ZNF469: variants seen among roughly 807,000 people sequenced by gnomAD.
ZNF469 encodes zinc finger protein 469.
A neutral mutation model predicts 1.0 loss-of-function variants in ZNF469; 1 was observed. The ratio of observed to expected loss-of-function variants is 1.00; its 90% CI spans 0.35 to 4.73. ZNF469 has a LOEUF of 4.73. ZNF469 is among the 30% of genes most tolerant of loss of function. The pLI is 0.16. For synonymous variants in ZNF469, 2,703 were observed against 2,363.4 expected (o/e 1.14, Z -4.17); for missense variants, 6,100 against 5,356.3 (o/e 1.14, Z -4.33).
intron 1 of ZNF469, among the ~76,000 whole-genome samples, chr16:88,413,434 C>T (rs1183439506): frequency 6.6e-6 from 1 of 152,230 alleles, no homozygotes; most frequent in African/African-American, 2.4e-5. Flanking sequence ...CGAGGCCCGG[C>T]GCACCGTGGC....
chr16:88,380,377 ACACGCACT>A (rs1282212588), upstream of ZNF469, among the ~76,000 whole-genome samples: 5 of 112,348 alleles, frequency 4.5e-5, no homozygotes, highest in East Asian at 1.2e-3. Context: ...ACATGCACTC[ACACGCACT>A]CACAGACACG....
the ZNF469 span, among the ~76,000 whole-genome samples, chr16:88,338,623 T>C: frequency 2.0e-5 from 3 of 152,184 alleles, no homozygotes; most frequent in Admixed American, 6.5e-5. Flanking sequence ...CCCAAACCCA[T>C]GTCCACCCAC....
the ZNF469 span, among the ~76,000 whole-genome samples, chr16:88,305,587 C>A: frequency 1.3e-5 from 2 of 150,668 alleles, no homozygotes; most frequent in Non-Finnish European, 3.0e-5. Flanking sequence ...CACAGGCACA[C>A]ACGCACACCC....
At chr16:88,320,383 TC>T in the ZNF469 span, among the ~76,000 whole-genome samples, 1 of 152,292 alleles carries the variant, frequency 6.6e-6, no homozygotes, top group African/African-American at 2.4e-5. Context: ...GATTCTTTAT[TC>T]TTTTTTCTTT....
chr16:88,202,343 T>G, the ZNF469 span, among the ~76,000 whole-genome samples: 4 of 152,234 alleles, frequency 2.6e-5, no homozygotes, highest in East Asian at 7.7e-4. Context: ...TGGCTCGGGC[T>G]CAGGACCGGG....
At chr16:88,223,481 C>A in the ZNF469 span, among the ~76,000 whole-genome samples, 14 of 152,276 alleles carry the variant, frequency 9.2e-5, no homozygotes, top group South Asian at 6.2e-4. Flanking sequence ...TGAGTAAACA[C>A]CATGTGGGGT....
the ZNF469 span, among the ~76,000 whole-genome samples, chr16:88,185,107 G>T: frequency 2.6e-5 from 1 of 37,798 alleles, no homozygotes; most frequent in African/African-American, 5.7e-5. Context: ...ACTCACACAG[G>T]TAGTCACAAG....
chr16:88,102,195 G>A, the ZNF469 span, among the ~76,000 whole-genome samples: 197 of 152,280 alleles, frequency 1.3e-3, 1 homozygote, highest in Non-Finnish European at 1.3e-3. Context: ...GACAGAGGGC[G>A]TCGGTGGCTT....
chr16:88,214,489 T>G, the ZNF469 span, among the ~76,000 whole-genome samples: 1 of 151,088 alleles, frequency 6.6e-6, no homozygotes, highest in African/African-American at 2.4e-5. Context: ...TTTTAGAAGG[T>G]ATGGTTTTAT....
the ZNF469 span, among the ~76,000 whole-genome samples, chr16:88,216,297 C>T: frequency 6.6e-6 from 1 of 152,174 alleles, no homozygotes; most frequent in South Asian, 2.1e-4. Flanking sequence ...AGATCGAGAA[C>T]ATCCTGGCTA....
chr16:88,116,716 C>T, the ZNF469 span, among the ~76,000 whole-genome samples: 4 of 152,112 alleles, frequency 2.6e-5, no homozygotes, highest in African/African-American at 9.7e-5. Context: ...TGGGAAAAGC[C>T]GACCTCAAAA....
the ZNF469 span, among the ~76,000 whole-genome samples, chr16:88,181,195 C>T: frequency 1.6e-4 from 24 of 152,216 alleles, no homozygotes; most frequent in Middle Eastern, 3.4e-3. Context: ...CTCAGCCTCC[C>T]GAATAGCTGG....
At chr16:88,391,742 C>T (rs926005762) in intron 1 of ZNF469, among the ~76,000 whole-genome samples, 2 of 152,244 alleles carry the variant, frequency 1.3e-5, no homozygotes, top group Admixed American at 6.5e-5. Flanking sequence ...GCGGCCACAT[C>T]TCATCGGCTT....
chr16:88,210,908 A>T, the ZNF469 span, among the ~76,000 whole-genome samples: 4 of 152,226 alleles, frequency 2.6e-5, no homozygotes, highest in Middle Eastern at 3.4e-3. Context: ...TATTTTTCAT[A>T]TAGGTTTTCA....
chr16:88,330,409 C>A, the ZNF469 span, among the ~76,000 whole-genome samples: 1 of 152,254 alleles, frequency 6.6e-6, no homozygotes, highest in Admixed American at 6.5e-5. Flanking sequence ...AAAGTCATGC[C>A]CATTCAGGCT....
chr16:88,394,071 C>T (rs939219628), intron 1 of ZNF469, among the ~76,000 whole-genome samples: 22 of 125,078 alleles, frequency 1.8e-4, no homozygotes, highest in East Asian at 4.6e-4. Flanking sequence ...ACCTGCGCTG[C>T]CTGAGAGGAG....
the ZNF469 span, among the ~76,000 whole-genome samples, chr16:88,214,260 G>A: frequency 4.6e-5 from 7 of 152,166 alleles, no homozygotes; most frequent in African/African-American, 7.2e-5. Context: ...GGGGTTTTCC[G>A]GTGATGACCC....
chr16:88,114,252 T>G, the ZNF469 span, among the ~76,000 whole-genome samples: 1 of 129,990 alleles, frequency 7.7e-6, no homozygotes, highest in African/African-American at 2.9e-5. Context: ...ACTCACTCAC[T>G]GCGGGTGTCT....
chr16:88,245,815 C>T, the ZNF469 span, among the ~76,000 whole-genome samples: 1 of 152,268 alleles, frequency 6.6e-6, no homozygotes, highest in African/African-American at 2.4e-5. Context: ...AGAACAAAGA[C>T]CAGTGAGGAA....
Sources: gnomAD v4.1 joint callset for allele counts (sites outside exome capture counted in the v4.1 genomes callset) on GRCh38, gnomAD v4.1.1 for gene constraint, MANE v1.5 for transcripts, NCBI Gene and HGNC (gene_info 2026-07-23, HGNC 2026-07-21) for gene names.